The following ABAT variants were observed in gnomAD, a reference collection of about 807,000 sequenced individuals.
ABAT encodes 4-aminobutyrate aminotransferase, mitochondrial.
ABAT carries 45 observed loss-of-function variants against 64.6 expected under a neutral mutation model. That is an observed-to-expected ratio of 0.70 (90% CI 0.55 to 0.89). The LOEUF is 0.89. Among genes scored for constraint, ABAT ranks in the 40% least tolerant of loss-of-function variants. The pLI is 0.00. For synonymous variants in ABAT, 297 were observed against 250.5 expected (o/e 1.19, Z -1.75); for missense variants, 633 against 658.4 (o/e 0.96, Z 0.42).
At position 8,781,113 on chromosome 16, in the gene ABAT, T is replaced by G. The variant is rs2060423248; in HGVS notation, c.1382-196T>G. ...AGAAGAGAATGATGGAGGAGATGAA[T>G]GAGGGGAGAGAGAAAGGAAATGAAG... On this transcript the variant is annotated intron_variant, in intron 15 of 15. Transcript: ENST00000268251. This position sits in a 1 kb window ranked among gnomAD's most constrained non-coding sequence, Gnocchi z 4.5. 1 of 801,066 alleles carries G rather than the reference T, an allele frequency of 1.2e-6. No individual in the cohort carries two copies. 49.6% of individuals were successfully genotyped at this position (801,066 alleles called of 1,614,324 possible). A position where few individuals can be genotyped will look rare whatever the true frequency, so the allele number is the denominator to read the frequency against.
rs367562104 is a variant in ABAT, at chr16:8,684,950, GT to G, written c.-42+10243del. 5.7e-3 allele frequency among the ~76,000 whole-genome samples: 867 copies of G among 152,252 alleles called. 5 individuals are homozygous for G. Among genetic ancestry groups the G allele is most frequent in the African/African-American group, 0.02 (828 of 41,534 alleles). On this transcript the variant is annotated intron_variant, in intron 1 of 15. Transcript: ENST00000268251. ...CAAGGCAGAATTTGCTTGTCTATCA[GT>G]TTTCTACAACTTACAAAGGAGTCAG...
intron 1 of ABAT, among the ~76,000 whole-genome samples, chr16:8,680,668 T>C (rs1018408472): frequency 1.3e-5 from 2 of 152,206 alleles, no homozygotes; most frequent in African/African-American, 2.4e-5. Flanking sequence ...CCTCAAGTGA[T>C]CCGCCTGCCT....
chr16:8,687,150 A>G (rs1053097543), intron 1 of ABAT, among the ~76,000 whole-genome samples: 2 of 152,046 alleles, frequency 1.3e-5, no homozygotes, highest in African/African-American at 4.8e-5. Flanking sequence ...TGAGGTGGGG[A>G]CGCACATCTG....
At chr16:8,710,730 GGA>G (rs2058053408) in intron 1 of ABAT, among the ~76,000 whole-genome samples, 1 of 142,010 alleles carries the variant, frequency 7.0e-6, no homozygotes, top group Non-Finnish European at 1.5e-5. Context: ...GAGAGAGAGA[GGA>G]AATAGGCTCA....
At chr16:8,746,671 CT>C (rs1218463354) in intron 3 of ABAT, among the ~76,000 whole-genome samples, 5 of 151,546 alleles carry the variant, frequency 3.3e-5, no homozygotes, top group Admixed American at 6.6e-5. Flanking sequence ...GAGATGGTGC[CT>C]CTGCACTCCA....
rs537511937 is a variant in ABAT at position 8,764,568 on chromosome 16, G to A, written c.448-170G>A. 9.2e-5 allele frequency among the ~76,000 whole-genome samples: 14 copies of A among 152,062 alleles called. No individual in the cohort carries two copies. The highest frequency in any genetic ancestry group is 2.7e-4 in the African/African-American group (11 of 41,478). On this transcript the variant is annotated intron_variant, in intron 7 of 15. Coordinates refer to ENST00000268251, the MANE Select transcript of ABAT (RefSeq NM_020686.6). This position sits in a 1 kb window ranked among gnomAD's most constrained non-coding sequence, Gnocchi z 4.2. ...CCTCAGGGCCTCCCTGGGCTTCTCC[G>A]CCACCCCTGGAAAAGCCTGAGCCCA...
intron 1 of ABAT, among the ~76,000 whole-genome samples, chr16:8,728,025 C>T (rs540915568): frequency 2.0e-5 from 3 of 152,152 alleles, no homozygotes; most frequent in African/African-American, 7.2e-5. Flanking sequence ...GAGCCCTGAT[C>T]GCCCCACTGC....
At chr16:8,691,895 G>C (rs2057592003) in intron 1 of ABAT, among the ~76,000 whole-genome samples, 1 of 152,244 alleles carries the variant, frequency 6.6e-6, no homozygotes, top group African/African-American at 2.4e-5. Context: ...GGCCCCAAAA[G>C]TCAATAGTGC....
At chr16:8,775,524 T>A (rs990378402) in intron 13 of ABAT, among the ~76,000 whole-genome samples, 2 of 151,338 alleles carry the variant, frequency 1.3e-5, no homozygotes, top group African/African-American at 4.9e-5. Flanking sequence ...GCCCATACTC[T>A]TACCCACTAC....
intron 1 of ABAT, among the ~76,000 whole-genome samples, chr16:8,724,309 A>G (rs2058470804): frequency 6.6e-6 from 1 of 152,238 alleles, no homozygotes; most frequent in Non-Finnish European, 1.5e-5. Context: ...ATAATGAAAA[A>G]TAAAAAATAA....
intron 12 of ABAT, 70 bp from the exon 13 acceptor site, chr16:8,774,820 G>C: frequency 6.3e-7 from 1 of 1,591,174 alleles, no homozygotes; most frequent in Non-Finnish European, 8.6e-7. Flanking sequence ...CAGTTAGCTG[G>C]CTATGGAGGG....
intron 1 of ABAT, among the ~76,000 whole-genome samples, chr16:8,676,925 C>T (rs1202111855): frequency 6.6e-6 from 1 of 152,208 alleles, no homozygotes; most frequent in Non-Finnish European, 1.5e-5. Flanking sequence ...TCTCTAGGAC[C>T]ACCCAGCTGG....
At chr16:8,728,265 A>G (rs1055293693) in intron 1 of ABAT, among the ~76,000 whole-genome samples, 3 of 152,216 alleles carry the variant, frequency 2.0e-5, no homozygotes, top group South Asian at 2.1e-4. Context: ...TATAAGGTCA[A>G]TTTTCAACTG....
chr16:8,759,903 C>T (rs962759323), intron 6 of ABAT, among the ~76,000 whole-genome samples: 12 of 152,248 alleles, frequency 7.9e-5, no homozygotes, highest in African/African-American at 2.6e-4. Context: ...ATCTTTACCT[C>T]GTCTGGCTTA....
At chr16:8,722,419 A>C (rs2058399071) in intron 1 of ABAT, among the ~76,000 whole-genome samples, 1 of 152,240 alleles carries the variant, frequency 6.6e-6, no homozygotes, top group Non-Finnish European at 1.5e-5. Flanking sequence ...TTCTGGGATT[A>C]CAGGCATGAG....
chr16:8,680,748 A>G (rs1274565569), intron 1 of ABAT, among the ~76,000 whole-genome samples: 1 of 152,066 alleles, frequency 6.6e-6, no homozygotes, highest in Non-Finnish European at 1.5e-5. Flanking sequence ...GATTATTATC[A>G]TTGGGGTCAC....
At chr16:8,740,690 G>A (rs578182786) in intron 2 of ABAT, among the ~76,000 whole-genome samples, 2 of 152,282 alleles carry the variant, frequency 1.3e-5, no homozygotes, top group South Asian at 4.1e-4. Flanking sequence ...GTTCCCAATG[G>A]CATCATTTTA....
intron 11 of ABAT, among the ~76,000 whole-genome samples, chr16:8,771,922 T>C (rs1260997832): frequency 6.6e-6 from 1 of 152,106 alleles, no homozygotes; most frequent in Non-Finnish European, 1.5e-5. Context: ...GCAGCCACCA[T>C]GCCCAGCTAA....
At chr16:8,720,187 A>G (rs916460852) in intron 1 of ABAT, among the ~76,000 whole-genome samples, 3 of 152,188 alleles carry the variant, frequency 2.0e-5, no homozygotes, top group African/African-American at 7.2e-5. Context: ...CATCCTATGT[A>G]CTTTCTTCAA....
Sources: gnomAD v4.1 joint callset for allele counts (sites outside exome capture counted in the v4.1 genomes callset) on GRCh38, gnomAD v4.1.1 for gene constraint, Gnocchi (gnomAD v3.1) non-coding constraint, MANE v1.5 for transcripts, NCBI Gene and HGNC (gene_info 2026-07-23, HGNC 2026-07-21) for gene names.